PTPRD: variants seen among roughly 807,000 people sequenced by gnomAD.
The protein encoded by PTPRD is receptor-type tyrosine-protein phosphatase delta.
Under a neutral mutation model 214.5 loss-of-function variants are expected in PTPRD, and 34 were observed. The observed-to-expected ratio is 0.16, with a 90% CI of 0.12 to 0.21. The LOEUF is 0.21. PTPRD is among the 10% of genes least tolerant of loss of function. The pLI is 1.00. For synonymous variants in PTPRD, 1,128 were observed against 845.7 expected (o/e 1.33, Z -5.79); for missense variants, 2,545 against 2,398.7 (o/e 1.06, Z -1.27).
chr9:10,353,527 A>G (rs868329841), intron 2 of PTPRD, among the ~76,000 whole-genome samples: 4 of 151,958 alleles, frequency 2.6e-5, no homozygotes, highest in Admixed American at 2.0e-4. Context: ...CAACCTCTGC[A>G]TGGGAGAAGA....
At chr9:10,022,685 T>G (rs1488419939) in intron 4 of PTPRD, among the ~76,000 whole-genome samples, 2 of 152,174 alleles carry the variant, frequency 1.3e-5, no homozygotes, top group Non-Finnish European at 2.9e-5. Context: ...TAATTTATTG[T>G]GGTTTATGTA....
intron 3 of PTPRD, among the ~76,000 whole-genome samples, chr9:10,071,207 G>C (rs997720721): frequency 1.3e-5 from 2 of 151,900 alleles, no homozygotes; most frequent in African/African-American, 4.8e-5. Flanking sequence ...CATGAATATA[G>C]ATCTAACACA....
chr9:9,014,297 A>C (rs1230825722), intron 11 of PTPRD, among the ~76,000 whole-genome samples: 1 of 151,508 alleles, frequency 6.6e-6, no homozygotes, highest in Non-Finnish European at 1.5e-5. Flanking sequence ...TCACAATCTG[A>C]ACAGAAATGT....
intron 12 of PTPRD, among the ~76,000 whole-genome samples, chr9:8,730,120 G>C (rs1054010686): frequency 1.3e-5 from 2 of 152,152 alleles, no homozygotes; most frequent in African/African-American, 4.8e-5. Context: ...GCCGGGCGAG[G>C]TGGCGGGCAC....
intron 2 of PTPRD, among the ~76,000 whole-genome samples, chr9:10,513,140 C>T (rs946277565): frequency 6.6e-6 from 1 of 150,852 alleles, no homozygotes; most frequent in Non-Finnish European, 1.5e-5. Flanking sequence ...TTTTGTTTTT[C>T]TTTTTGTCAC....
At chr9:9,721,987 T>G (rs1053766045) in intron 7 of PTPRD, among the ~76,000 whole-genome samples, 2 of 152,096 alleles carry the variant, frequency 1.3e-5, no homozygotes, top group Admixed American at 1.3e-4. Context: ...GATTAAGGTA[T>G]GTGTGAGTGT....
chr9:10,318,146 G>C (rs2096481063), intron 3 of PTPRD, among the ~76,000 whole-genome samples: 1 of 151,966 alleles, frequency 6.6e-6, no homozygotes, highest in Non-Finnish European at 1.5e-5. Context: ...TTGCAATATG[G>C]AGGCTTGCTC....
chr9:8,653,868 G>A (rs893693782), intron 12 of PTPRD, among the ~76,000 whole-genome samples: 23 of 152,110 alleles, frequency 1.5e-4, no homozygotes, highest in African/African-American at 5.3e-4. Context: ...CTTCACTTGT[G>A]CTCTTGATCC....
chr9:9,319,411 T>A (rs1965228267), intron 9 of PTPRD, among the ~76,000 whole-genome samples: 1 of 152,110 alleles, frequency 6.6e-6, no homozygotes, highest in Non-Finnish European at 1.5e-5. Context: ...CAAACAATCT[T>A]TAGTTGGCCA....
intron 4 of PTPRD, among the ~76,000 whole-genome samples, chr9:10,023,486 G>T (rs757269104): frequency 2.3e-3 from 346 of 152,146 alleles, no homozygotes; most frequent in Non-Finnish European, 4.0e-3. Flanking sequence ...CATCTTTTCT[G>T]TATATAAAGT....
chr9:8,566,098 A>ATGTGTGTGTGTGTGTGTG (rs1491211691), intron 14 of PTPRD, among the ~76,000 whole-genome samples: 8 of 46,154 alleles, frequency 1.7e-4, no homozygotes, highest in Non-Finnish European at 3.7e-4. Flanking sequence ...TGAATGCAAA[A>ATGTGTGTGTGTGTGTGTG]TATGTGTGTG....
chr9:10,594,321 A>T (rs2076164844), intron 2 of PTPRD, among the ~76,000 whole-genome samples: 1 of 151,964 alleles, frequency 6.6e-6, no homozygotes, highest in Non-Finnish European at 1.5e-5. Context: ...TGCAGTCCTT[A>T]TTACTGACAC....
At position 10,031,645 on chromosome 9, in the gene PTPRD, T is replaced by TAC. The variant is rs1466329705; in HGVS notation, c.-472+2072_-472+2073insGT. On this transcript the variant is annotated intron_variant, in intron 4 of 45. Coordinates refer to ENST00000381196, the MANE Select transcript of PTPRD (RefSeq NM_002839.4). The stretch of plus-strand genomic sequence containing the variant: ...AACTCCATATATATATATATATATA[T>TAC]ATACACACACACACACACACATACA... 4.3e-3 allele frequency among the ~76,000 whole-genome samples: 298 copies of TAC among 69,054 alleles called. 9 individuals are homozygous for TAC. Among genetic ancestry groups the TAC allele is most frequent in the African/African-American group, 0.041 (286 of 7,040 alleles). The allele number at this position is 69,054 out of a possible 152,430, so 45.3% of individuals were successfully genotyped here.
intron 8 of PTPRD, among the ~76,000 whole-genome samples, chr9:9,406,779 G>C (rs1229847220): frequency 6.6e-6 from 1 of 151,212 alleles, no homozygotes; most frequent in Non-Finnish European, 1.5e-5. Flanking sequence ...TTTTATAGTG[G>C]AGATAAAGAA....
chr9:9,946,713 A>G (rs1013975129), intron 4 of PTPRD, among the ~76,000 whole-genome samples: 1 of 152,130 alleles, frequency 6.6e-6, no homozygotes, highest in Non-Finnish European at 1.5e-5. Context: ...CTCGCACAAT[A>G]CAGAGACCCT....
intron 36 of PTPRD, among the ~76,000 whole-genome samples, chr9:8,401,279 C>A (rs1338685866): frequency 3.9e-5 from 6 of 152,056 alleles, no homozygotes; most frequent in Non-Finnish European, 7.4e-5. Flanking sequence ...ACCCTCCCAC[C>A]TCAGCCTCCT....
chr9:8,324,689 C>G (rs7044532), intron 44 of PTPRD, among the ~76,000 whole-genome samples: 3,628 of 151,968 alleles, frequency 0.024, 48 homozygotes, highest in Non-Finnish European at 0.029. Flanking sequence ...GTCTTCCACA[C>G]TGGTTTAACT....
rs369751593 is a variant in PTPRD, at chr9:10,283,410, G to A, written c.-545+57553C>T. On this transcript the variant is annotated intron_variant, in intron 3 of 45. Coordinates refer to ENST00000381196, the MANE Select transcript of PTPRD (RefSeq NM_002839.4). ...TGCTATTTATCCCTAGAAATAAGAC[G>A]AGGTCCTCAACACGATAAGAATTCA... 2.0e-4 allele frequency among the ~76,000 whole-genome samples: 31 copies of A among 152,250 alleles called. 3 individuals carry two copies. Among genetic ancestry groups the A allele is most frequent in the Admixed American group, 1.8e-3 (27 of 15,286 alleles).
intron 5 of PTPRD, among the ~76,000 whole-genome samples, chr9:9,832,889 C>T (rs1371032807): frequency 7.1e-6 from 1 of 141,680 alleles, no homozygotes; most frequent in African/African-American, 2.8e-5. Context: ...AGCTTTTTTT[C>T]TATGTTTTTT....
Sources: allele counts gnomAD v4.1 joint callset (sites outside exome capture counted in the v4.1 genomes callset), GRCh38; gene constraint gnomAD v4.1.1; transcripts MANE v1.5; gene names NCBI Gene and HGNC (gene_info 2026-07-23, HGNC 2026-07-21).